CPSF3: variants seen among roughly 807,000 people sequenced by gnomAD.
CPSF3 encodes cleavage and polyadenylation specific factor 3.
A neutral mutation model predicts 84.1 loss-of-function variants in CPSF3; 57 were observed. The observed-to-expected ratio is 0.68, with a 90% confidence interval of 0.55 to 0.85. The LOEUF (loss-of-function observed/expected upper bound fraction) is 0.85, where lower values mean the gene tolerates loss of function less well. Among genes scored for constraint, CPSF3 ranks in the 40% least tolerant of loss-of-function variants. The pLI, the probability that CPSF3 is intolerant of heterozygous loss-of-function variation, is 0.00. For missense variants in CPSF3, 522 were observed against 838.8 expected, an observed-to-expected ratio of 0.62 and a Z score of 4.66; for synonymous variants, 275 against 278.1, an observed-to-expected ratio of 0.99 and a Z score of 0.11.
At chr2:9,455,326 G>C (rs949567854) in intron 12 of CPSF3, among the ~76,000 whole-genome samples, 1 of 152,022 alleles carries the variant, frequency 6.6e-6, no homozygotes, top group Non-Finnish European at 1.5e-5. Context: ...AGTAGAGACG[G>C]TGTTTCACAA....
intron 11 of CPSF3, among the ~76,000 whole-genome samples, chr2:9,452,652 T>G (rs2124843850): frequency 6.6e-6 from 1 of 152,356 alleles, no homozygotes; most frequent in Admixed American, 6.5e-5. Context: ...CCCCGGCACC[T>G]AGTAAGTTAC....
chr2:9,443,778 A>C (rs1398802558), intron 10 of CPSF3, 117 bp downstream of exon 10: 1 of 1,096,212 alleles, frequency 9.1e-7, no homozygotes, highest in Non-Finnish European at 1.3e-6. Flanking sequence ...ACACCCCCTG[A>C]GCAGAGCCTT....
intron 7 of CPSF3, among the ~76,000 whole-genome samples, chr2:9,437,358 T>G (rs1202542637): frequency 1.3e-5 from 2 of 151,774 alleles, no homozygotes; most frequent in African/African-American, 2.4e-5. Context: ...GAGCCGAGAT[T>G]GCACCACTGC....
chr2:9,464,150 T>G (rs1219145284), intron 15 of CPSF3, among the ~76,000 whole-genome samples: 1 of 152,196 alleles, frequency 6.6e-6, no homozygotes, highest in African/African-American at 2.4e-5. Flanking sequence ...TCTTATATAT[T>G]TTCAAAATAC....
At chr2:9,424,175 C>T in intron 1 of CPSF3, 1 of 1,039,302 alleles carries the variant, frequency 9.6e-7, no homozygotes, top group Admixed American at 5.5e-5. Context: ...TGTGAGGGAG[C>T]CGGTGAAGCT....
intron 15 of CPSF3, among the ~76,000 whole-genome samples, chr2:9,462,173 C>G (rs771993212): frequency 1.3e-5 from 2 of 152,184 alleles, no homozygotes; most frequent in Non-Finnish European, 2.9e-5. Context: ...CTTTGGGCCA[C>G]GCAGCTTTCA....
chr2:9,454,668 C>T (rs560058115), intron 12 of CPSF3, among the ~76,000 whole-genome samples: 1 of 151,598 alleles, frequency 6.6e-6, no homozygotes, highest in African/African-American at 2.4e-5. Flanking sequence ...CCTCAGCCTC[C>T]CAAGTAGCTG....
intron 15 of CPSF3, among the ~76,000 whole-genome samples, chr2:9,466,296 G>A (rs1558466310): frequency 1.9e-5 from 2 of 107,980 alleles, no homozygotes; most frequent in African/African-American, 6.6e-5. Flanking sequence ...GCACACAGAC[G>A]CATGCACACG....
intron 1 of CPSF3, among the ~76,000 whole-genome samples, chr2:9,425,280 C>G (rs1016178343): frequency 3.3e-5 from 5 of 152,214 alleles, no homozygotes; most frequent in African/African-American, 1.2e-4. Context: ...GTTTAGGAAG[C>G]ACCTCGTATA....
chr2:9,444,140 T>TTATATATATATA (rs377440396), intron 10 of CPSF3, among the ~76,000 whole-genome samples: 15 of 129,882 alleles, frequency 1.2e-4, no homozygotes, highest in South Asian at 7.5e-4. Flanking sequence ...AATATATATA[T>TTATATATATATA]TATATATATA....
Position 9,441,819 on chromosome 2 carries a change from GC to G in CPSF3, c.939del (p.Ser313ArgfsTer13), listed in dbSNP as rs1367246559. On this transcript the variant is annotated frameshift_variant and splice_region_variant, in exon 9 of 18. Coordinates refer to ENST00000238112, the MANE Select transcript of CPSF3 (RefSeq NM_016207.4). LOFTEE classifies it high-confidence loss of function. ...TTCCCATTCTGTTTTCTCTCTTAGA[GC>G]ATGGATCATTTTGATGACATTGGTC... is the stretch of plus-strand genomic sequence containing the variant. ...FVFKHISNLKSMDHFDDIGPS... is the reference protein window; with the variant it reads ...FVFKHISNLKXMDHFDDIGPS... 1 of 1,614,042 alleles carries G rather than the reference GC, an allele frequency of 6.2e-7. No individual in the cohort carries two copies. The highest frequency in any genetic ancestry group is 8.5e-7 in the Non-Finnish European group (1 of 1,180,002).
intron 8 of CPSF3, among the ~76,000 whole-genome samples, chr2:9,441,147 AT>A (rs1246153884): frequency 6.6e-6 from 1 of 152,186 alleles, no homozygotes; most frequent in African/African-American, 2.4e-5. Context: ...CATCTTTTTG[AT>A]TAGTGCTGCA....
chr2:9,428,990 A>C (rs1004146615), intron 2 of CPSF3, among the ~76,000 whole-genome samples, 162 bp downstream of exon 2: 4 of 152,226 alleles, frequency 2.6e-5, no homozygotes, highest in Non-Finnish European at 4.4e-5. Context: ...ACACACTTCT[A>C]CTTAGTAATT....
intron 8 of CPSF3, 102 bp downstream of exon 8, chr2:9,440,768 C>A: frequency 8.3e-7 from 1 of 1,203,184 alleles, no homozygotes; most frequent in Non-Finnish European, 1.2e-6. Flanking sequence ...TGTAATTTAG[C>A]ACTTTGGGAG....
Position 9,444,140 on chromosome 2 carries a change from T to TTATATATATA in CPSF3, c.1242+489_1242+498dup, listed in dbSNP as rs377440396. Among the ~76,000 whole-genome samples, 341 of 129,840 alleles carry TTATATATATA rather than the reference T, an allele frequency of 2.6e-3. 2 individuals carry two copies. The highest frequency in any genetic ancestry group is 4.0e-3 in the Non-Finnish European group (246 of 61,454). The allele number at this position is 129,840 out of a possible 152,430, so 85.2% of individuals were successfully genotyped here. A position where few individuals can be genotyped will look rare whatever the true frequency, so the allele number is the denominator to read the frequency against. On this transcript the variant is annotated intron_variant, in intron 10 of 17. Coordinates refer to ENST00000238112, the MANE Select transcript of CPSF3 (RefSeq NM_016207.4). Reference sequence around the variant, plus strand: ...ACATAGTAAATGCTTAATATATATATTATATATATATATATATATTTTTTT... The same window carrying TTATATATATA: ...ACATAGTAAATGCTTAATATATATATTATATATATATATATATATATATATATATTTTTTT...
At chr2:9,428,163 A>ATTTTTTTTT (rs1207970451) in intron 1 of CPSF3, among the ~76,000 whole-genome samples, 1 of 150,178 alleles carries the variant, frequency 6.7e-6, no homozygotes, top group African/African-American at 2.5e-5. Flanking sequence ...CGCCTGGCTA[A>ATTTTTTTTT]TTTTTTGTAT....
At position 9,433,903 on chromosome 2, in the gene CPSF3, A is replaced by C; in HGVS notation, c.552A>C (p.Glu184Asp). The C allele has an allele frequency of 6.2e-7, 1 of 1,611,488 alleles. No homozygotes were observed. Among genetic ancestry groups the C allele is most frequent in the South Asian group, 1.1e-5 (1 of 90,832 alleles). Residue 184 changes from glutamate to aspartate, a missense_variant, in exon 6 of 18, where the codon GAA becomes GAC. Glu to Asp is a conservative substitution (Grantham distance 45). Transcript: ENST00000238112. ...LLYTGDFSRQ[E>D]DRHLMAAEIP... ...ACACTGGTGATTTCTCAAGACAAGA[A>C]GATAGGCACTTAATGGCAGCTGAAA...
rs70948817 is a variant in CPSF3, at chr2:9,457,147, ATGTGTG to A, written c.1698+159_1698+164del. 2,477 of 333,624 alleles carry A rather than the reference ATGTGTG, an allele frequency of 7.4e-3. 13 individuals carry two copies. The highest frequency in any genetic ancestry group is 0.025 in the African/African-American group (1,096 of 44,554). 20.7% of individuals were successfully genotyped at this position (333,624 alleles called of 1,614,324 possible). On this transcript the variant is annotated intron_variant, in intron 14 of 17. Coordinates refer to ENST00000238112, the MANE Select transcript of CPSF3 (RefSeq NM_016207.4). ...GAAAAAGAATATTGTTGGAAAGTATATGTGTGTGTGTGTGTGTGTGTGTGTGTGTGT... is the reference window on the plus strand; with the variant it reads ...GAAAAAGAATATTGTTGGAAAGTATATGTGTGTGTGTGTGTGTGTGTGTGT...
chr2:9,431,524 T>C (rs1049568113), intron 4 of CPSF3, among the ~76,000 whole-genome samples: 3 of 143,548 alleles, frequency 2.1e-5, no homozygotes, highest in Non-Finnish European at 3.0e-5. Flanking sequence ...TAAATAAATA[T>C]ACATATTTTT....
Sources: gnomAD v4.1 joint callset for allele counts (sites outside exome capture counted in the v4.1 genomes callset) on GRCh38, gnomAD v4.1.1 for gene constraint, MANE v1.5 for transcripts, NCBI Gene and HGNC (gene_info 2026-07-23, HGNC 2026-07-21) for gene names.